The following SDK1 variants were observed in gnomAD, a reference collection of about 807,000 sequenced individuals.
The protein encoded by SDK1 is sidekick cell adhesion molecule 1.
In SDK1, 157 loss-of-function variants were observed where a neutral mutation model predicts 245.5. The ratio of observed to expected loss-of-function variants is 0.64; its 90% CI spans 0.56 to 0.73. The LOEUF (loss-of-function observed/expected upper bound fraction) is 0.73, where lower values mean the gene tolerates loss of function less well. Ranked by LOEUF, SDK1 falls within the 30% of genes least tolerant of loss-of-function variation. The pLI is 0.00. For missense variants in SDK1, 3,583 were observed against 3,002.3 expected, an observed-to-expected ratio of 1.19 and a Z score of -4.52; for synonymous variants, 1,647 against 1,278.5, an observed-to-expected ratio of 1.29 and a Z score of -6.15.
At chr7:3,730,817 G>A (rs991886046) in intron 4 of SDK1, among the ~76,000 whole-genome samples, 4 of 152,120 alleles carry the variant, frequency 2.6e-5, no homozygotes, top group Non-Finnish European at 5.9e-5. Flanking sequence ...CCCTCTCTTT[G>A]GCAGCTGTGC....
Position 3,384,610 on chromosome 7 carries a change from G to A in SDK1, c.298+82726G>A, listed in dbSNP as rs114455812. ...ATACCCTCGAACATCGAAGGACTTC[G>A]CTGATTTGTGTTCTACACAACCGTC... On this transcript the variant is annotated intron_variant, in intron 1 of 44. Coordinates refer to ENST00000404826, the MANE Select transcript of SDK1 (RefSeq NM_152744.4). Among the ~76,000 whole-genome samples the A allele has an allele frequency of 2.6e-3, 390 of 152,250 alleles. 5 individuals carry two copies. Among genetic ancestry groups the A allele is most frequent in the African/African-American group, 8.9e-3 (371 of 41,562 alleles).
intron 1 of SDK1, among the ~76,000 whole-genome samples, chr7:3,560,388 T>A (rs942253257): frequency 2.0e-5 from 3 of 152,136 alleles, no homozygotes; most frequent in Admixed American, 6.5e-5. Flanking sequence ...TCCAGTTGAT[T>A]GAGAAAAAAA....
intron 4 of SDK1, among the ~76,000 whole-genome samples, chr7:3,731,149 G>A (rs759507407): frequency 9.2e-5 from 14 of 152,126 alleles, no homozygotes; most frequent in East Asian, 5.8e-4. Flanking sequence ...ATCCATCACC[G>A]CAGTGGCAGG....
chr7:4,212,147 A>G (rs1021428338), intron 38 of SDK1, among the ~76,000 whole-genome samples: 2 of 152,264 alleles, frequency 1.3e-5, no homozygotes, highest in Admixed American at 6.5e-5. Context: ...CAACGAGCAC[A>G]TCAAAGAATA....
At chr7:3,456,826 T>G (rs1324483687) in intron 1 of SDK1, among the ~76,000 whole-genome samples, 1 of 152,212 alleles carries the variant, frequency 6.6e-6, no homozygotes, top group South Asian at 2.1e-4. Context: ...TGGTCCTACT[T>G]AAACCTGTTA....
intron 43 of SDK1, 72 bp from the exon 44 acceptor site, chr7:4,245,604 C>T: frequency 1.3e-6 from 2 of 1,552,942 alleles, no homozygotes; most frequent in African/African-American, 1.4e-5. Context: ...AGGCCAAATG[C>T]CAGGTTAGGA....
rs150004152 is a variant in SDK1 at position 4,199,545 on chromosome 7, C to G, written c.5099-6334C>G. ...TCTGTAGGACAAATATGTTTGTTAT[C>G]GTGAGTCTGAAGCTCTCTGGCCTCA... is the stretch of plus-strand genomic sequence containing the variant. On this transcript the variant is annotated intron_variant, in intron 35 of 44. Coordinates refer to ENST00000404826, the MANE Select transcript of SDK1 (RefSeq NM_152744.4). Among the ~76,000 whole-genome samples the G allele has an allele frequency of 4.5e-4, 68 of 152,304 alleles. No individual in the cohort carries two copies. In the East Asian group the frequency reaches 0.012, roughly 27 times the overall value.
intron 25 of SDK1, among the ~76,000 whole-genome samples, chr7:4,115,065 T>G (rs2128192140): frequency 6.6e-6 from 1 of 152,334 alleles, no homozygotes; most frequent in South Asian, 2.1e-4. Flanking sequence ...TGGCCAACTG[T>G]GGGTCATAGG....
chr7:3,882,962 G>A (rs774465607), intron 5 of SDK1, among the ~76,000 whole-genome samples: 4 of 152,118 alleles, frequency 2.6e-5, no homozygotes, highest in Non-Finnish European at 2.9e-5. Context: ...CATTTGCCCC[G>A]TTTCCATAGA....
At chr7:3,460,492 T>A (rs533349010) in intron 1 of SDK1, among the ~76,000 whole-genome samples, 4 of 152,216 alleles carry the variant, frequency 2.6e-5, no homozygotes, top group Admixed American at 2.6e-4. Context: ...AAAAGGAATT[T>A]AGAAATGTAC....
intron 4 of SDK1, among the ~76,000 whole-genome samples, chr7:3,683,788 A>T (rs1396344024): frequency 6.6e-6 from 1 of 152,196 alleles, no homozygotes; most frequent in East Asian, 1.9e-4. Flanking sequence ...CACATGTCCT[A>T]ACAAGGAGCT....
At chr7:3,327,427 G>A (rs1161271670) in intron 1 of SDK1, among the ~76,000 whole-genome samples, 1 of 152,096 alleles carries the variant, frequency 6.6e-6, no homozygotes, top group Non-Finnish European at 1.5e-5. Context: ...GCTGCTGGAA[G>A]CAAGCGACTG....
At chr7:3,585,841 A>G (rs1780669269) in intron 1 of SDK1, among the ~76,000 whole-genome samples, 1 of 152,184 alleles carries the variant, frequency 6.6e-6, no homozygotes, top group Non-Finnish European at 1.5e-5. Flanking sequence ...CGAGGAAATA[A>G]ATCTGTTTCT....
intron 1 of SDK1, among the ~76,000 whole-genome samples, chr7:3,608,767 G>C (rs1340510542): frequency 2.6e-5 from 4 of 152,196 alleles, no homozygotes; most frequent in African/African-American, 9.7e-5. Context: ...GCACCAAAGT[G>C]TCATTTATGC....
chr7:4,006,073 G>T (rs778623243), intron 14 of SDK1, among the ~76,000 whole-genome samples: 1 of 151,906 alleles, frequency 6.6e-6, no homozygotes, highest in East Asian at 1.9e-4. Flanking sequence ...TCTCAAAAAA[G>T]AAAAGAAAAA....
intron 20 of SDK1, among the ~76,000 whole-genome samples, chr7:4,075,049 C>T (rs775843577): frequency 6.6e-6 from 1 of 151,340 alleles, no homozygotes; most frequent in African/African-American, 2.4e-5. Flanking sequence ...AGCAGCCAGG[C>T]GCCTTTGATG....
chr7:3,919,962 G>C (rs1779529429), intron 5 of SDK1, among the ~76,000 whole-genome samples: 1 of 152,166 alleles, frequency 6.6e-6, no homozygotes, highest in African/African-American at 2.4e-5. Context: ...TCACAGCAGA[G>C]GGGGCACCAC....
chr7:4,266,268 A>T lies in SDK1; in HGVS notation c.*884A>T, dbSNP rs1244302911. ...ACCAGAGTATTTTTAAAATCTTTTT[A>T]TCTTTTTTTAAACTATGTCACATGA... On this transcript the variant is annotated 3_prime_UTR_variant, in exon 45 of 45. Transcript: ENST00000404826. 2 of 985,246 alleles carry T rather than the reference A, an allele frequency of 2.0e-6. No homozygotes were observed. The highest frequency in any genetic ancestry group is 3.5e-5 in the African/African-American group (2 of 57,232). The allele number at this position is 985,246 out of a possible 1,614,324, so 61.0% of individuals were successfully genotyped here.
intron 1 of SDK1, among the ~76,000 whole-genome samples, chr7:3,515,978 T>C (rs973831019): frequency 3.9e-5 from 6 of 152,188 alleles, no homozygotes; most frequent in East Asian, 1.9e-4. Context: ...TCTGCACATG[T>C]CATTTCTTTG....
Sources: gnomAD v4.1 joint callset for allele counts (sites outside exome capture counted in the v4.1 genomes callset) on GRCh38, gnomAD v4.1.1 for gene constraint, MANE v1.5 for transcripts, NCBI Gene and HGNC (gene_info 2026-07-23, HGNC 2026-07-21) for gene names.